The following MRC1 variants were observed in gnomAD, a reference collection of about 807,000 sequenced individuals.
MRC1 encodes mannose receptor C-type 1, also known as macrophage mannose receptor 1.
Under a neutral mutation model 102.9 loss-of-function variants are expected in MRC1, and 62 were observed. The ratio of observed to expected loss-of-function variants is 0.60; its 90% CI spans 0.49 to 0.74. The LOEUF (loss-of-function observed/expected upper bound fraction) is 0.74. MRC1 is among the 30% of genes least tolerant of loss of function. The pLI is 0.00. For synonymous variants in MRC1, 457 were observed against 298.4 expected (o/e 1.53, Z -5.48); for missense variants, 1,237 against 862.8 (o/e 1.43, Z -5.43).
chr10:17,901,196 G>A (rs1454910298), intron 25 of MRC1, among the ~76,000 whole-genome samples: 1 of 152,034 alleles, frequency 6.6e-6, no homozygotes, highest in Non-Finnish European at 1.5e-5. Flanking sequence ...CTATATCAAA[G>A]GAATTTTATC....
intron 5 of MRC1, among the ~76,000 whole-genome samples, chr10:17,844,160 T>G (rs1838790969): frequency 6.6e-6 from 1 of 152,216 alleles, no homozygotes; most frequent in African/African-American, 2.4e-5. Context: ...ACAGTTTTAG[T>G]TCTGGGAGCA....
chr10:17,820,527 C>A (rs562312603), intron 1 of MRC1, among the ~76,000 whole-genome samples: 28 of 152,086 alleles, frequency 1.8e-4, no homozygotes, highest in African/African-American at 6.0e-4. Flanking sequence ...AGACTGGTTG[C>A]CAATCAGTTA....
chr10:17,823,950 G>T (rs1046920299), intron 2 of MRC1, among the ~76,000 whole-genome samples: 106 of 152,254 alleles, frequency 7.0e-4, no homozygotes, highest in Admixed American at 1.4e-3. Flanking sequence ...GGCGACATGG[G>T]ATTCTAAATG....
intron 18 of MRC1, among the ~76,000 whole-genome samples, chr10:17,879,437 C>T (rs1039156031): frequency 6.6e-6 from 1 of 152,172 alleles, no homozygotes; most frequent in Non-Finnish European, 1.5e-5. Context: ...TCACTGCAGC[C>T]TCCGCCTCCC....
chr10:17,835,155 C>T lies in MRC1; in HGVS notation c.802+1316C>T, dbSNP rs888053529. Among the ~76,000 whole-genome samples, 159 of 152,270 alleles carry T rather than the reference C, an allele frequency of 1.0e-3. 2 individuals are homozygous for T. In the East Asian group the frequency reaches 0.029, roughly 28 times the overall value. On this transcript the variant is annotated intron_variant, in intron 4 of 29. Transcript: ENST00000569591. ...CCATTCTCACCCTCACATCTTTTCC[C>T]ATGTCATTTCTTTTGCCTGGAATTC...
At chr10:17,859,035 T>C (rs1351367863) in intron 9 of MRC1, among the ~76,000 whole-genome samples, 1 of 152,218 alleles carries the variant, frequency 6.6e-6, no homozygotes, top group Non-Finnish European at 1.5e-5. Flanking sequence ...GCTTTTTATC[T>C]TTTCATCCAA....
intron 17 of MRC1, among the ~76,000 whole-genome samples, chr10:17,876,733 CAAA>C (rs1488659531): frequency 6.6e-6 from 1 of 152,046 alleles, no homozygotes; most frequent in Non-Finnish European, 1.5e-5. Context: ...TTACATGGCC[CAAA>C]TTGTTAGCTA....
At chr10:17,862,323 G>A (rs2130662140) in intron 10 of MRC1, among the ~76,000 whole-genome samples, 1 of 152,250 alleles carries the variant, frequency 6.6e-6, no homozygotes, top group East Asian at 1.9e-4. Flanking sequence ...ATATTTAAAT[G>A]TCTAATATAT....
At chr10:17,874,550 A>G (rs1213686287) in intron 16 of MRC1, among the ~76,000 whole-genome samples, 2 of 152,318 alleles carry the variant, frequency 1.3e-5, no homozygotes, top group Non-Finnish European at 2.9e-5. Flanking sequence ...GTTAGGAACT[A>G]GATACCTTTG....
At position 17,902,141 on chromosome 10, in the gene MRC1, G is replaced by C. The variant is rs1589196621; in HGVS notation, c.3799+19G>C. 6.4e-6 allele frequency: 5 copies of C among 775,456 alleles called. No homozygotes were observed. In the East Asian group the frequency reaches 1.2e-4, roughly 19 times the overall value. The allele number at this position is 775,456 out of a possible 1,614,324, so 48.0% of individuals were successfully genotyped here. On this transcript the variant is annotated intron_variant, in intron 26 of 29. Coordinates refer to ENST00000569591, the MANE Select transcript of MRC1 (RefSeq NM_002438.4). ...CGAATGGGTGAGTGCCACATTTCCT[G>C]AAGGAAAACTCCATAATCATCTATT...
intron 22 of MRC1, among the ~76,000 whole-genome samples, chr10:17,890,181 C>T (rs1345055236): frequency 6.6e-6 from 1 of 152,064 alleles, no homozygotes; most frequent in Admixed American, 6.5e-5. Flanking sequence ...AAAAGAAATC[C>T]AACGTAATTA....
chr10:17,850,094 T>G (rs1838890904), intron 7 of MRC1, among the ~76,000 whole-genome samples: 1 of 152,144 alleles, frequency 6.6e-6, no homozygotes, highest in African/African-American at 2.4e-5. Flanking sequence ...AATGCTTAAT[T>G]CCTTGGAATT....
At chr10:17,844,203 T>G (rs1824625443) in intron 5 of MRC1, among the ~76,000 whole-genome samples, 2 of 151,882 alleles carry the variant, frequency 1.3e-5, no homozygotes, top group Non-Finnish European at 1.5e-5. Context: ...TCCCATTAGC[T>G]TTTTCTCCTC....
chr10:17,867,302 C>T (rs1188033754), intron 12 of MRC1, among the ~76,000 whole-genome samples: 1 of 139,630 alleles, frequency 7.2e-6, no homozygotes, highest in Non-Finnish European at 1.6e-5. Context: ...TTCGTTCCTT[C>T]TTCCTTCTTC....
chr10:17,859,230 A>G (rs1833142817), intron 9 of MRC1, among the ~76,000 whole-genome samples: 1 of 152,012 alleles, frequency 6.6e-6, no homozygotes, highest in South Asian at 2.1e-4. Flanking sequence ...GTCATCTCAA[A>G]CATGCTGTTT....
At chr10:17,864,110 A>G (rs1833226904) in intron 11 of MRC1, among the ~76,000 whole-genome samples, 1 of 152,004 alleles carries the variant, frequency 6.6e-6, no homozygotes, top group Non-Finnish European at 1.5e-5. Context: ...TCAAACAATT[A>G]TCGTGCCTCA....
chr10:17,851,850 C>G (rs1838922437), intron 7 of MRC1, among the ~76,000 whole-genome samples: 3 of 152,168 alleles, frequency 2.0e-5, no homozygotes, highest in African/African-American at 7.2e-5. Flanking sequence ...AGAGACTTCT[C>G]CAAAAGCAAA....
chr10:17,824,836 C>T (rs886676906), intron 2 of MRC1, among the ~76,000 whole-genome samples: 1 of 151,910 alleles, frequency 6.6e-6, no homozygotes, highest in African/African-American at 2.4e-5. Context: ...CACCCCCTAC[C>T]CTTTCTGTTT....
rs996452456 is a variant in MRC1, at chr10:17,870,521, C to G, written c.2111+148C>G. 4.2e-6 allele frequency: 3 copies of G among 714,678 alleles called. No individual in the cohort carries two copies. In the Admixed American group the frequency reaches 6.6e-5, roughly 16 times the overall value. 44.3% of individuals were successfully genotyped at this position (714,678 alleles called of 1,614,324 possible). A position where few individuals can be genotyped will look rare whatever the true frequency, so the allele number is the denominator to read the frequency against. ...CCCAAATCTGTGGGCCCTGTTTGAT[C>G]TAGTTTCGCTTTCAAATCCTTTAAT... is the stretch of plus-strand genomic sequence containing the variant. On this transcript the variant is annotated intron_variant, in intron 13 of 29. Coordinates refer to ENST00000569591, the MANE Select transcript of MRC1 (RefSeq NM_002438.4).
Sources: gnomAD v4.1 joint callset for allele counts (sites outside exome capture counted in the v4.1 genomes callset) on GRCh38, gnomAD v4.1.1 for gene constraint, MANE v1.5 for transcripts, NCBI Gene and HGNC (gene_info 2026-07-23, HGNC 2026-07-21) for gene names.